The following KCNMA1 variants were observed in gnomAD, a reference collection of about 807,000 sequenced individuals.
The protein encoded by KCNMA1 is potassium calcium-activated channel subfamily M alpha 1, also known as Calcium-activated potassium channel subunit alpha-1.
A neutral mutation model predicts 140.0 loss-of-function variants in KCNMA1; 29 were observed. That is an observed-to-expected ratio of 0.21 (90% CI 0.15 to 0.28). The LOEUF (loss-of-function observed/expected upper bound fraction) is 0.28. Ranked by LOEUF, KCNMA1 falls within the 10% of genes least tolerant of loss-of-function variation. The pLI is 1.00. For missense variants in KCNMA1, 880 were observed against 1,602.2 expected (o/e 0.55, Z 7.70); for synonymous variants, 612 against 611.9 (o/e 1.00, Z 0.00).
chr10:77,549,960 C>T (rs771537259), intron 1 of KCNMA1, among the ~76,000 whole-genome samples: 2 of 152,224 alleles, frequency 1.3e-5, no homozygotes, highest in Non-Finnish European at 2.9e-5. Flanking sequence ...AATGAAAGCA[C>T]TAGTTTATTC....
intron 15 of KCNMA1, among the ~76,000 whole-genome samples, chr10:77,036,991 G>T (rs1181319153): frequency 6.6e-6 from 1 of 152,142 alleles, no homozygotes. Context: ...GCACTAAGTT[G>T]TACACATTCT....
intron 2 of KCNMA1, among the ~76,000 whole-genome samples, chr10:77,297,111 C>T (rs193290525): frequency 3.9e-5 from 6 of 152,268 alleles, no homozygotes; most frequent in Admixed American, 3.9e-4. Context: ...GGTCCTACCC[C>T]CTGTGAAGAA....
chr10:77,048,347 G>A (rs191665866), intron 14 of KCNMA1, among the ~76,000 whole-genome samples: 24 of 152,180 alleles, frequency 1.6e-4, no homozygotes, highest in Non-Finnish European at 3.2e-4. Flanking sequence ...GAATTGTGCT[G>A]GTCCACAACA....
At chr10:77,403,291 C>T (rs2096341493) in intron 2 of KCNMA1, among the ~76,000 whole-genome samples, 1 of 152,142 alleles carries the variant, frequency 6.6e-6, no homozygotes, top group Admixed American at 6.5e-5. Context: ...CACAAGCGAG[C>T]TCTAGGTACA....
intron 24 of KCNMA1, chr10:76,912,006 G>T (rs1030834558): frequency 6.6e-6 from 1 of 152,264 alleles, no homozygotes; most frequent in Non-Finnish European, 1.5e-5. Flanking sequence ...CAAGTAGGGG[G>T]AGGGGACTCC....
intron 3 of KCNMA1, among the ~76,000 whole-genome samples, chr10:77,194,214 GCTCT>G (rs1196047222): frequency 1.3e-5 from 2 of 152,144 alleles, no homozygotes; most frequent in African/African-American, 4.8e-5. Context: ...GAAAAGAAGA[GCTCT>G]CTATTTGCCA....
chr10:77,591,608 T>C (rs1307903147), intron 1 of KCNMA1, among the ~76,000 whole-genome samples: 1 of 152,158 alleles, frequency 6.6e-6, no homozygotes, highest in African/African-American at 2.4e-5. Context: ...TCCTAGTGAT[T>C]CTAAAGCAGG....
intron 15 of KCNMA1, among the ~76,000 whole-genome samples, chr10:77,038,693 C>T (rs752707636): frequency 6.6e-6 from 1 of 152,156 alleles, no homozygotes; most frequent in Admixed American, 6.5e-5. Context: ...GTGTGTGCCA[C>T]CACACTCGGC....
At chr10:77,224,672 C>T (rs2050739848) in intron 3 of KCNMA1, among the ~76,000 whole-genome samples, 1 of 152,178 alleles carries the variant, frequency 6.6e-6, no homozygotes, top group Non-Finnish European at 1.5e-5. Context: ...CATTGCAGTG[C>T]CAACTCAGAG....
intron 3 of KCNMA1, among the ~76,000 whole-genome samples, chr10:77,214,181 A>G (rs2046990812): frequency 6.6e-6 from 1 of 152,156 alleles, no homozygotes; most frequent in Admixed American, 6.5e-5. Flanking sequence ...GACACTCCAT[A>G]CTGACTGGCA....
chr10:77,621,716 T>C (rs1387299555), intron 1 of KCNMA1, among the ~76,000 whole-genome samples: 1 of 152,010 alleles, frequency 6.6e-6, no homozygotes, highest in African/African-American at 2.4e-5. Context: ...CCACTTGAGC[T>C]CAAGAGTTAG....
chr10:77,633,764 A>C (rs2093455475), intron 1 of KCNMA1, among the ~76,000 whole-genome samples: 1 of 152,318 alleles, frequency 6.6e-6, no homozygotes, highest in African/African-American at 2.4e-5. Context: ...GCTCAAACTG[A>C]GAATGGAAAT....
intron 1 of KCNMA1, among the ~76,000 whole-genome samples, chr10:77,596,252 T>C (rs1467650351): frequency 2.6e-5 from 4 of 152,214 alleles, no homozygotes; most frequent in Non-Finnish European, 5.9e-5. Context: ...GGGACACTGG[T>C]TCCTCTCCAG....
intron 3 of KCNMA1, among the ~76,000 whole-genome samples, chr10:77,245,368 T>C (rs1406166268): frequency 6.6e-6 from 1 of 152,156 alleles, no homozygotes; most frequent in Non-Finnish European, 1.5e-5. Context: ...CAGTTTAAAA[T>C]GCGCTGTCAT....
At chr10:77,407,604 C>T (rs2096513154) in intron 1 of KCNMA1, among the ~76,000 whole-genome samples, 1 of 152,222 alleles carries the variant, frequency 6.6e-6, no homozygotes, top group South Asian at 2.1e-4. Context: ...AGCCTGAGAG[C>T]TCAGGCTGGA....
chr10:77,237,771 C>A (rs1442727361), intron 3 of KCNMA1, among the ~76,000 whole-genome samples: 2 of 152,166 alleles, frequency 1.3e-5, no homozygotes, highest in Admixed American at 6.5e-5. Flanking sequence ...GCCCAGCAGA[C>A]CTTTTTGCCC....
chr10:77,018,991 C>T (rs201551182), intron 17 of KCNMA1, 22 bp downstream of exon 17: 4 of 1,379,262 alleles, frequency 2.9e-6, no homozygotes, highest in South Asian at 1.2e-5. Context: ...AGAAAGAAAG[C>T]CAGTTGAAAA....
chr10:77,424,875 C>A (rs1405438838), intron 1 of KCNMA1, among the ~76,000 whole-genome samples: 2 of 152,222 alleles, frequency 1.3e-5, no homozygotes, highest in Admixed American at 1.3e-4. Flanking sequence ...GTTGGACTCA[C>A]TGTGATTTTA....
chr10:77,543,913 A>G (rs965975113), intron 1 of KCNMA1, among the ~76,000 whole-genome samples: 3 of 152,242 alleles, frequency 2.0e-5, no homozygotes, highest in Non-Finnish European at 4.4e-5. Flanking sequence ...GTATTAACAG[A>G]AAGCAATGAC....
Sources: allele counts gnomAD v4.1 joint callset (sites outside exome capture counted in the v4.1 genomes callset), GRCh38; gene constraint gnomAD v4.1.1; transcripts MANE v1.5; gene names NCBI Gene and HGNC (gene_info 2026-07-23, HGNC 2026-07-21).